The following DOCK9 variants were observed in gnomAD, a reference collection of about 807,000 sequenced individuals.
DOCK9 encodes the protein dedicator of cytokinesis 9.
In DOCK9, 89 loss-of-function variants were observed where a neutral mutation model predicts 263.3. The ratio of observed to expected loss-of-function variants is 0.34; its 90% CI spans 0.28 to 0.40. The LOEUF is 0.40. Among genes scored for constraint, DOCK9 ranks in the 10% least tolerant of loss-of-function variants. DOCK9 has a pLI of 1.00. For missense variants in DOCK9, 2,140 were observed against 2,603.4 expected (o/e 0.82, Z 3.87); for synonymous variants, 976 against 973.1 (o/e 1.00, Z -0.06).
At chr13:99,040,038 A>C (rs368633179) in intron 1 of DOCK9, among the ~76,000 whole-genome samples, 1 of 152,218 alleles carries the variant, frequency 6.6e-6, no homozygotes, top group Non-Finnish European at 1.5e-5. Context: ...CCCAAAACTC[A>C]TATGTTGAAA....
chr13:99,005,056 A>G (rs1036873815), intron 1 of DOCK9, among the ~76,000 whole-genome samples: 3 of 152,074 alleles, frequency 2.0e-5, no homozygotes, highest in Admixed American at 1.3e-4. Flanking sequence ...TTTTGTTAGC[A>G]AAGACCGGAT....
chr13:98,931,851 C>T (rs1390286530), intron 2 of DOCK9, among the ~76,000 whole-genome samples: 1 of 150,916 alleles, frequency 6.6e-6, no homozygotes, highest in Admixed American at 6.6e-5. Flanking sequence ...ACCTGCCTCA[C>T]ACTCCCAAAG....
At chr13:99,010,946 G>A (rs888708685) in intron 1 of DOCK9, among the ~76,000 whole-genome samples, 6 of 152,166 alleles carry the variant, frequency 3.9e-5, no homozygotes, top group African/African-American at 7.2e-5. Flanking sequence ...CGCCCAGGCC[G>A]GAGTGCAATG....
At chr13:99,086,785 C>T (rs565478815), upstream of DOCK9, among the ~76,000 whole-genome samples, 1 of 149,096 alleles carries the variant, frequency 6.7e-6, no homozygotes, top group Non-Finnish European at 1.5e-5. Context: ...CGGCGCGGCC[C>T]GGCGCTGGAG....
chr13:98,832,798 CATT>C (rs1310742771), intron 39 of DOCK9, among the ~76,000 whole-genome samples: 2 of 152,060 alleles, frequency 1.3e-5, no homozygotes, highest in Non-Finnish European at 2.9e-5. Flanking sequence ...GCAGATTTGA[CATT>C]AATAAAAAAA....
chr13:98,865,130 T>C (rs1019398172), intron 30 of DOCK9, among the ~76,000 whole-genome samples: 1 of 152,186 alleles, frequency 6.6e-6, no homozygotes, highest in Non-Finnish European at 1.5e-5. Flanking sequence ...TCTGCCTAGA[T>C]TGCAGATTTC....
chr13:98,840,580 C>G (rs1033985140), intron 38 of DOCK9, among the ~76,000 whole-genome samples: 57 of 152,218 alleles, frequency 3.7e-4, no homozygotes, highest in African/African-American at 1.4e-3. Flanking sequence ...TACAAACTCA[C>G]GTTACCTGCA....
chr13:98,813,179 T>C lies in DOCK9; in HGVS notation c.5131-2888A>G, dbSNP rs9584942. On this transcript the variant is annotated intron_variant, in intron 45 of 52. Coordinates refer to ENST00000682017, the MANE Select transcript of DOCK9 (RefSeq NM_001366683.2). ...TTCTTCGGGATTTTCTCTTTATAAC[T>C]ATGTCTTATGTGAATATGGAAAGAT... Among the ~76,000 whole-genome samples, 996 of 152,338 alleles carry C rather than the reference T, an allele frequency of 6.5e-3. 10 individuals are homozygous for C. Among genetic ancestry groups the C allele is most frequent in the African/African-American group, 0.022 (928 of 41,580 alleles).
chr13:98,819,530 G>A (rs1426610519), intron 45 of DOCK9, among the ~76,000 whole-genome samples: 4 of 152,236 alleles, frequency 2.6e-5, no homozygotes, highest in Non-Finnish European at 1.5e-5. Context: ...CCCCAGCTCA[G>A]TGCCAAGGAA....
At chr13:98,901,405 A>C (rs1259931261) in intron 13 of DOCK9, among the ~76,000 whole-genome samples, 1 of 152,224 alleles carries the variant, frequency 6.6e-6, no homozygotes, top group African/African-American at 2.4e-5. Flanking sequence ...CTCCAGCCTC[A>C]TATATAAGTG....
intron 27 of DOCK9, among the ~76,000 whole-genome samples, chr13:98,876,202 G>C (rs116536138): frequency 6.6e-6 from 1 of 152,308 alleles, no homozygotes; most frequent in African/African-American, 2.4e-5. Context: ...TTCAAGAAAG[G>C]TTCCCTTGGC....
intron 1 of DOCK9, among the ~76,000 whole-genome samples, chr13:99,072,718 G>A (rs1201756647): frequency 6.6e-6 from 1 of 152,026 alleles, no homozygotes; most frequent in Non-Finnish European, 1.5e-5. Flanking sequence ...AGAATTCCAG[G>A]GGCCAGGCAT....
chr13:98,937,647 CAT>C (rs773499903), intron 2 of DOCK9, among the ~76,000 whole-genome samples: 1 of 150,974 alleles, frequency 6.6e-6, no homozygotes, highest in East Asian at 1.9e-4. Flanking sequence ...CCAAAGGGCT[CAT>C]ATGAGGATGC....
At chr13:98,827,560 C>A (rs1367705769) in intron 43 of DOCK9, among the ~76,000 whole-genome samples, 1 of 152,240 alleles carries the variant, frequency 6.6e-6, no homozygotes, top group Non-Finnish European at 1.5e-5. Flanking sequence ...CTCGTCTAGA[C>A]CCTCACCCCT....
chr13:98,887,141 A>ATTTTTTTTTTTTTTTTTTTTTTTT (rs1335567169), intron 18 of DOCK9, among the ~76,000 whole-genome samples: 1 of 59,640 alleles, frequency 1.7e-5, no homozygotes, highest in Non-Finnish European at 3.0e-5. Context: ...ATATATATAT[A>ATTTTTTTTTTTTTTTTTTTTTTTT]TATTTTTTTT....
At chr13:99,056,237 A>G (rs912685) in intron 1 of DOCK9, among the ~76,000 whole-genome samples, 148,623 of 152,286 alleles carry the variant, frequency 0.98, 72,609 homozygotes, top group Non-Finnish European at 1. Context: ...GAGATGTTTC[A>G]CCATACAAAC....
intron 15 of DOCK9, among the ~76,000 whole-genome samples, chr13:98,896,585 T>A (rs1265769592): frequency 1.3e-5 from 2 of 151,904 alleles, no homozygotes; most frequent in Non-Finnish European, 2.9e-5. Flanking sequence ...CGCCCTCAGC[T>A]CTTTCACATT....
chr13:99,004,946 A>C (rs570778743), intron 1 of DOCK9, among the ~76,000 whole-genome samples: 9 of 152,170 alleles, frequency 5.9e-5, no homozygotes, highest in African/African-American at 2.2e-4. Context: ...ACCAGAATGT[A>C]CTCTTCATCT....
At chr13:98,795,505 A>G (rs2089266224) in intron 52 of DOCK9, among the ~76,000 whole-genome samples, 1 of 152,248 alleles carries the variant, frequency 6.6e-6, no homozygotes, top group Non-Finnish European at 1.5e-5. Flanking sequence ...GGGAAGTTCA[A>G]GGTGCAGCTG....
Sources: allele counts gnomAD v4.1 joint callset (sites outside exome capture counted in the v4.1 genomes callset), GRCh38; gene constraint gnomAD v4.1.1; transcripts MANE v1.5; gene names NCBI Gene and HGNC (gene_info 2026-07-23, HGNC 2026-07-21).